The following PTPRT variants were observed in gnomAD, a reference collection of about 807,000 sequenced individuals.
The protein encoded by PTPRT is protein tyrosine phosphatase receptor type T, also known as receptor-type tyrosine-protein phosphatase T.
In PTPRT, 56 loss-of-function variants were observed where a neutral mutation model predicts 176.8. That is an observed-to-expected ratio of 0.32 (90% CI 0.26 to 0.40). The LOEUF is 0.40. Ranked by LOEUF, PTPRT falls within the 10% of genes least tolerant of loss-of-function variation. The pLI is 1.00. For synonymous variants in PTPRT, 783 were observed against 739.0 expected (o/e 1.06, Z -0.96); for missense variants, 1,540 against 1,908.2 (o/e 0.81, Z 3.60).
At chr20:42,086,310 C>T (rs1983902448) in intron 27 of PTPRT, among the ~76,000 whole-genome samples, 1 of 152,270 alleles carries the variant, frequency 6.6e-6, no homozygotes, top group African/African-American at 2.4e-5. Flanking sequence ...GGAAATTAGA[C>T]TCAGTTTCCC....
intron 7 of PTPRT, among the ~76,000 whole-genome samples, chr20:42,533,124 C>T (rs2072415041): frequency 6.6e-6 from 1 of 152,172 alleles, no homozygotes; most frequent in Admixed American, 6.5e-5. Flanking sequence ...ATTACTAAAG[C>T]GGGACTGGTT....
chr20:42,592,773 G>C (rs1321423786), intron 7 of PTPRT, among the ~76,000 whole-genome samples: 2 of 152,124 alleles, frequency 1.3e-5, no homozygotes, highest in Non-Finnish European at 2.9e-5. Context: ...TCCATCATGA[G>C]GCCTCTGAGG....
chr20:42,895,142 G>T (rs956092563), intron 1 of PTPRT, among the ~76,000 whole-genome samples: 1 of 152,166 alleles, frequency 6.6e-6, no homozygotes, highest in Non-Finnish European at 1.5e-5. Context: ...AGCCTGCTAG[G>T]GCTGCTGTAA....
chr20:42,372,021 A>G (rs1273777919), intron 9 of PTPRT, among the ~76,000 whole-genome samples: 1 of 152,214 alleles, frequency 6.6e-6, no homozygotes, highest in Non-Finnish European at 1.5e-5. Flanking sequence ...GCTAGTCTTC[A>G]GGCTATTTTG....
intron 1 of PTPRT, among the ~76,000 whole-genome samples, chr20:42,926,732 A>T (rs1979508279): frequency 6.6e-6 from 1 of 152,086 alleles, no homozygotes; most frequent in Admixed American, 6.5e-5. Context: ...TCATTTCTTC[A>T]TGTGCAATAC....
intron 15 of PTPRT, among the ~76,000 whole-genome samples, chr20:42,206,197 C>A (rs970543193): frequency 9.2e-5 from 14 of 152,188 alleles, no homozygotes; most frequent in African/African-American, 3.4e-4. Flanking sequence ...TTCATCTATG[C>A]CCCCACTGAC....
chr20:42,108,909 G>GAAGT (rs1986761219), intron 23 of PTPRT, among the ~76,000 whole-genome samples: 1 of 152,178 alleles, frequency 6.6e-6, no homozygotes, highest in African/African-American at 2.4e-5. Context: ...ATCATGCGCC[G>GAAGT]AAGTCCTGAT....
At chr20:42,404,032 A>G (rs2058935571) in intron 9 of PTPRT, among the ~76,000 whole-genome samples, 1 of 152,090 alleles carries the variant, frequency 6.6e-6, no homozygotes, top group South Asian at 2.1e-4. Flanking sequence ...GAAGCCCTGG[A>G]CTCAGCTGAG....
At chr20:42,958,678 T>A (rs1981814766) in intron 1 of PTPRT, among the ~76,000 whole-genome samples, 1 of 151,780 alleles carries the variant, frequency 6.6e-6, no homozygotes, top group Non-Finnish European at 1.5e-5. Context: ...GGGGAACACA[T>A]AATTTATCAT....
intron 6 of PTPRT, among the ~76,000 whole-genome samples, chr20:42,754,154 A>C (rs1241005638): frequency 6.6e-6 from 1 of 151,806 alleles, no homozygotes; most frequent in Non-Finnish European, 1.5e-5. Context: ...CCCCTGTGTC[A>C]CATAATACAA....
intron 1 of PTPRT, among the ~76,000 whole-genome samples, chr20:42,960,299 T>G (rs2867590): frequency 0.015 from 2,250 of 152,276 alleles, 55 homozygotes; most frequent in African/African-American, 0.051. Flanking sequence ...GCTGGCAGGT[T>G]TGGTGTCTGG....
intron 2 of PTPRT, among the ~76,000 whole-genome samples, chr20:42,802,633 T>C (rs2077547731): frequency 6.6e-6 from 1 of 152,258 alleles, no homozygotes; most frequent in African/African-American, 2.4e-5. Flanking sequence ...AAAGGTATTT[T>C]TTTCTTCTAA....
chr20:42,817,045 A>G (rs954899192), intron 2 of PTPRT, among the ~76,000 whole-genome samples: 1 of 152,236 alleles, frequency 6.6e-6, no homozygotes, highest in Non-Finnish European at 1.5e-5. Context: ...GAAGTAAACT[A>G]TAGCATCTGA....
chr20:42,704,746 C>T (rs1005437574), intron 6 of PTPRT, among the ~76,000 whole-genome samples: 12 of 152,156 alleles, frequency 7.9e-5, no homozygotes, highest in Non-Finnish European at 2.9e-5. Flanking sequence ...TGTAATTATG[C>T]ATAACCCCAG....
chr20:42,435,408 T>C (rs1191159469), intron 9 of PTPRT, among the ~76,000 whole-genome samples: 1 of 152,140 alleles, frequency 6.6e-6, no homozygotes, highest in East Asian at 1.9e-4. Flanking sequence ...CATCAATACC[T>C]GTAGTAGGAG....
chr20:42,290,297 C>T (rs1443006021), intron 12 of PTPRT, among the ~76,000 whole-genome samples: 2 of 152,032 alleles, frequency 1.3e-5, no homozygotes, highest in Non-Finnish European at 2.9e-5. Context: ...ACCCATGCTC[C>T]ACTTCCCACT....
At chr20:42,882,517 T>C (rs931996219) in intron 2 of PTPRT, among the ~76,000 whole-genome samples, 3 of 152,130 alleles carry the variant, frequency 2.0e-5, no homozygotes, top group East Asian at 3.9e-4. Context: ...ATCCGTAAAA[T>C]GGGAAGGATA....
intron 6 of PTPRT, among the ~76,000 whole-genome samples, chr20:42,744,055 A>C (rs182581746): frequency 8.5e-5 from 13 of 152,356 alleles, no homozygotes; most frequent in Non-Finnish European, 1.3e-4. Context: ...GCCAGGTACA[A>C]GGACAGTTCC....
intron 9 of PTPRT, among the ~76,000 whole-genome samples, chr20:42,356,734 A>G (rs527347629): frequency 6.6e-6 from 1 of 152,270 alleles, no homozygotes; most frequent in African/African-American, 2.4e-5. Flanking sequence ...TCATGTCGTA[A>G]GAGCAATGCT....
Sources: gnomAD v4.1 joint callset for allele counts (sites outside exome capture counted in the v4.1 genomes callset) on GRCh38, gnomAD v4.1.1 for gene constraint, MANE v1.5 for transcripts, NCBI Gene and HGNC (gene_info 2026-07-23, HGNC 2026-07-21) for gene names.